The following DTNB variants were observed in gnomAD, a reference collection of about 807,000 sequenced individuals.
DTNB encodes DTN-B.
Under a neutral mutation model 90.7 loss-of-function variants are expected in DTNB, and 63 were observed. The ratio of observed to expected loss-of-function variants is 0.69; its 90% CI spans 0.57 to 0.86. DTNB has a LOEUF of 0.86. Among genes scored for constraint, DTNB ranks in the 40% least tolerant of loss-of-function variants. DTNB has a pLI of 0.00. For synonymous variants in DTNB, 277 were observed against 286.7 expected (o/e 0.97, Z 0.34); for missense variants, 744 against 807.1 (o/e 0.92, Z 0.95).
chr2:25,567,822 G>A (rs1006230420), intron 8 of DTNB, among the ~76,000 whole-genome samples: 2 of 152,350 alleles, frequency 1.3e-5, no homozygotes, highest in Middle Eastern at 6.8e-3. Context: ...ATGGAAGGCA[G>A]AGAAGGAGGC....
At chr2:25,642,800 C>A (rs1272524794) in intron 2 of DTNB, among the ~76,000 whole-genome samples, 2 of 152,076 alleles carry the variant, frequency 1.3e-5, no homozygotes, top group East Asian at 1.9e-4. Context: ...GTCACCCAGG[C>A]TAGAGTGCAG....
At chr2:25,649,472 T>C (rs1053020241) in intron 2 of DTNB, among the ~76,000 whole-genome samples, 4 of 152,126 alleles carry the variant, frequency 2.6e-5, no homozygotes, top group African/African-American at 9.7e-5. Flanking sequence ...CCCAGCGTTT[T>C]GGGAGGTAGA....
chr2:25,433,873 T>C (rs1372543555), intron 13 of DTNB, 37 bp downstream of exon 13: 1 of 1,608,532 alleles, frequency 6.2e-7, no homozygotes, highest in Non-Finnish European at 8.5e-7. Context: ...GTGATAATCC[T>C]GGACTCTGGA....
intron 3 of DTNB, among the ~76,000 whole-genome samples, chr2:25,632,471 G>A (rs746853697): frequency 3.9e-5 from 6 of 152,160 alleles, no homozygotes. Flanking sequence ...CCCCAGTGTG[G>A]CAGTACTGAG....
intron 9 of DTNB, among the ~76,000 whole-genome samples, chr2:25,519,055 G>A (rs1033781741): frequency 5.3e-5 from 8 of 152,070 alleles, no homozygotes; most frequent in South Asian, 2.1e-4. Context: ...TGTCACCAAC[G>A]GTAAGTTTTT....
intron 2 of DTNB, among the ~76,000 whole-genome samples, chr2:25,644,248 T>C (rs1031523643): frequency 3.3e-5 from 5 of 152,180 alleles, no homozygotes; most frequent in Non-Finnish European, 5.9e-5. Flanking sequence ...CTTTCTTGCG[T>C]GAGATCCAAG....
intron 14 of DTNB, among the ~76,000 whole-genome samples, chr2:25,432,205 G>GCACACA: frequency 1.2e-5 from 1 of 80,402 alleles, no homozygotes; most frequent in Admixed American, 1.4e-4. Flanking sequence ...AGAAGAGTGC[G>GCACACA]TACACACACA....
chr2:25,395,610 C>T (rs1219173425), intron 16 of DTNB, among the ~76,000 whole-genome samples: 4 of 150,846 alleles, frequency 2.7e-5, no homozygotes, highest in Admixed American at 6.6e-5. Context: ...CTAACCACAT[C>T]AGCATCAGTT....
intron 5 of DTNB, among the ~76,000 whole-genome samples, chr2:25,605,728 ATTCT>A (rs1355045374): frequency 1.3e-5 from 2 of 152,172 alleles, no homozygotes; most frequent in African/African-American, 4.8e-5. Context: ...TGGTATATAT[ATTCT>A]TTATCTGGTA....
At chr2:25,540,936 C>G (rs2081098997) in intron 8 of DTNB, among the ~76,000 whole-genome samples, 1 of 151,760 alleles carries the variant, frequency 6.6e-6, no homozygotes, top group African/African-American at 2.4e-5. Flanking sequence ...CCTAGGAAAA[C>G]CAGAGACCTT....
chr2:25,425,551 C>T (rs1460550650), intron 15 of DTNB, among the ~76,000 whole-genome samples: 1 of 152,148 alleles, frequency 6.6e-6, no homozygotes, highest in Non-Finnish European at 1.5e-5. Flanking sequence ...TCCTATTATC[C>T]TTTAGTTTCT....
chr2:25,427,421 T>C (rs566561467), intron 15 of DTNB, 114 bp downstream of exon 15: 1 of 968,142 alleles, frequency 1.0e-6, no homozygotes, highest in African/African-American at 1.7e-5. Flanking sequence ...AAACTGATTC[T>C]AGGCTAAAGT....
intron 6 of DTNB, among the ~76,000 whole-genome samples, chr2:25,585,992 C>G (rs73922438): frequency 1.3e-5 from 2 of 151,982 alleles, no homozygotes; most frequent in South Asian, 4.1e-4. Flanking sequence ...TCTGCTTTTT[C>G]TTAGAGATAT....
chr2:25,478,487 T>A (rs1456798859), intron 10 of DTNB, among the ~76,000 whole-genome samples: 1 of 152,124 alleles, frequency 6.6e-6, no homozygotes, highest in African/African-American at 2.4e-5. Flanking sequence ...GCTAACAGTC[T>A]CAGTTATTTT....
intron 14 of DTNB, among the ~76,000 whole-genome samples, chr2:25,432,198 A>G (rs1049073139): frequency 7.9e-5 from 10 of 126,600 alleles, no homozygotes; most frequent in Non-Finnish European, 4.8e-5. Context: ...AACTTACAGA[A>G]GAGTGCGTAC....
chr2:25,644,588 A>G (rs2079035603), intron 2 of DTNB, among the ~76,000 whole-genome samples: 2 of 152,094 alleles, frequency 1.3e-5, no homozygotes, highest in Admixed American at 1.3e-4. Flanking sequence ...CCCTATCCCT[A>G]CTAAAAATAC....
At chr2:25,423,805 G>A (rs535829040) in intron 15 of DTNB, among the ~76,000 whole-genome samples, 9 of 151,946 alleles carry the variant, frequency 5.9e-5, no homozygotes, top group Admixed American at 1.3e-4. Flanking sequence ...GATTACAGGC[G>A]CGCACCACCA....
chr2:25,415,147 TTC>T (rs1359307837), intron 16 of DTNB, among the ~76,000 whole-genome samples: 3 of 152,122 alleles, frequency 2.0e-5, no homozygotes, highest in Non-Finnish European at 4.4e-5. Context: ...TATTGCCCAT[TTC>T]TCTCAAGTTT....
intron 7 of DTNB, among the ~76,000 whole-genome samples, chr2:25,580,307 A>C (rs142018408): frequency 2.6e-4 from 39 of 152,048 alleles, no homozygotes; most frequent in South Asian, 2.5e-3. Flanking sequence ...TTTTAAAGTA[A>C]TAAGTCTCTG....
Sources: allele counts gnomAD v4.1 joint callset (sites outside exome capture counted in the v4.1 genomes callset), GRCh38; gene constraint gnomAD v4.1.1; transcripts MANE v1.5; gene names NCBI Gene and HGNC (gene_info 2026-07-23, HGNC 2026-07-21).